EPM2A: variants seen among roughly 807,000 people sequenced by gnomAD.
The protein encoded by EPM2A is laforin.
In EPM2A, 21 loss-of-function variants were observed where a neutral mutation model predicts 26.5. The observed-to-expected ratio is 0.79, with a 90% CI of 0.56 to 1.14. The LOEUF is 1.14. Ranked by LOEUF, EPM2A falls within the 50% of genes most tolerant of loss-of-function variation. The pLI is 0.00. For synonymous variants in EPM2A, 217 were observed against 177.6 expected (o/e 1.22, Z -1.76); for missense variants, 458 against 440.8 (o/e 1.04, Z -0.35).
At position 145,717,951 on chromosome 6, in the gene EPM2A, G is replaced by A. The variant is rs1288676071; in HGVS notation, c.301+17247C>T. On this transcript the variant is annotated intron_variant, in intron 1 of 3. Transcript: ENST00000367519. ...TCTTCAAGGAGAACTACAAACCACTGCTCAAGGAAATAAAAGAAGATACAA... is the reference window on the plus strand; with the variant it reads ...TCTTCAAGGAGAACTACAAACCACTACTCAAGGAAATAAAAGAAGATACAA... 1.8e-3 allele frequency among the ~76,000 whole-genome samples: 276 copies of A among 151,686 alleles called. 2 individuals carry two copies. Among genetic ancestry groups the A allele is most frequent in the African/African-American group, 6.4e-3 (266 of 41,346 alleles).
intron 4 of EPM2A, among the ~76,000 whole-genome samples, chr6:145,475,809 C>A (rs142109349): frequency 1.5e-4 from 22 of 151,560 alleles, no homozygotes; most frequent in African/African-American, 1.9e-4. Flanking sequence ...CACACACACA[C>A]AAAAAGGAAG....
intron 1 of EPM2A, among the ~76,000 whole-genome samples, chr6:145,724,041 G>C (rs1776076965): frequency 6.6e-6 from 1 of 152,038 alleles, no homozygotes; most frequent in African/African-American, 2.4e-5. Flanking sequence ...GGAAATCTTG[G>C]GGCACTGAAT....
intron 2 of EPM2A, among the ~76,000 whole-genome samples, chr6:145,557,848 C>G (rs1478858779): frequency 6.6e-6 from 1 of 152,054 alleles, no homozygotes; most frequent in Non-Finnish European, 1.5e-5. Context: ...TTCCTCCTAA[C>G]TAAAATTTTG....
intron 4 of EPM2A, among the ~76,000 whole-genome samples, chr6:145,440,262 C>T (rs966750710): frequency 7.2e-5 from 11 of 152,132 alleles, no homozygotes; most frequent in Non-Finnish European, 1.5e-4. Flanking sequence ...CCTTATAAAA[C>T]CATCAGATCT....
chr6:145,452,379 T>A (rs1414991588), intron 4 of EPM2A, among the ~76,000 whole-genome samples: 1 of 151,032 alleles, frequency 6.6e-6, no homozygotes, highest in Non-Finnish European at 1.5e-5. Flanking sequence ...ATTTCAGATG[T>A]TGTTTCTCTA....
rs1776479998 is a variant in EPM2A, at chr6:145,731,433, T to C, written c.301+3765A>G. The stretch of plus-strand genomic sequence containing the variant: ...AAGCCATCCTGAAAAAACAATTGAC[T>C]ACAGAGCACATGTATGTTTATAGCA... On this transcript the variant is annotated intron_variant, in intron 1 of 3. Coordinates refer to ENST00000367519, the MANE Select transcript of EPM2A (RefSeq NM_005670.4). 2.0e-5 allele frequency among the ~76,000 whole-genome samples: 3 copies of C among 152,306 alleles called. No homozygotes were observed. The South Asian group carries it at 6.2e-4, about 32-fold the overall frequency.
chr6:145,514,054 C>T (rs1780090934), intron 2 of EPM2A, among the ~76,000 whole-genome samples: 1 of 152,190 alleles, frequency 6.6e-6, no homozygotes, highest in African/African-American at 2.4e-5. Context: ...CAAACCAGCT[C>T]TTACATGCCT....
intron 2 of EPM2A, among the ~76,000 whole-genome samples, chr6:145,511,773 A>G (rs1181367702): frequency 2.0e-5 from 3 of 152,210 alleles, no homozygotes; most frequent in Non-Finnish European, 4.4e-5. Flanking sequence ...GCTATCAGGC[A>G]AGAGAAAGAA....
intron 1 of EPM2A, among the ~76,000 whole-genome samples, chr6:145,729,315 A>G (rs1299295951): frequency 6.6e-6 from 1 of 152,182 alleles, no homozygotes; most frequent in Non-Finnish European, 1.5e-5. Context: ...TCTAGACACC[A>G]CAATGGTAGA....
At chr6:145,388,966 A>G (rs560609750) in intron 4 of EPM2A, among the ~76,000 whole-genome samples, 2,859 of 152,230 alleles carry the variant, frequency 0.019, 93 homozygotes, top group African/African-American at 0.064. Context: ...CAGTGCTGCA[A>G]TAAACATATG....
chr6:145,397,154 G>A (rs1444855698), intron 4 of EPM2A, among the ~76,000 whole-genome samples: 6 of 152,150 alleles, frequency 3.9e-5, no homozygotes, highest in South Asian at 4.1e-4. Context: ...TTACTGGCTC[G>A]GTTTGGTAGC....
intron 1 of EPM2A, 85 bp from the exon 2 acceptor site, chr6:145,686,381 G>C: frequency 9.3e-7 from 1 of 1,074,332 alleles, no homozygotes; most frequent in Admixed American, 1.8e-5. Flanking sequence ...AAAATTAATA[G>C]CAAGAAAAAA....
chr6:145,648,390 T>A (rs1777639096), intron 2 of EPM2A, among the ~76,000 whole-genome samples: 1 of 152,210 alleles, frequency 6.6e-6, no homozygotes, highest in Non-Finnish European at 1.5e-5. Context: ...TACTGAATAT[T>A]ACAGCCACCC....
chr6:145,450,016 A>C (rs1219267497), intron 4 of EPM2A, among the ~76,000 whole-genome samples: 1 of 151,958 alleles, frequency 6.6e-6, no homozygotes, highest in African/African-American at 2.4e-5. Flanking sequence ...ATAATAATTA[A>C]AATAAAAATA....
intron 4 of EPM2A, among the ~76,000 whole-genome samples, chr6:145,444,627 C>T (rs1180476500): frequency 6.6e-6 from 1 of 152,156 alleles, no homozygotes; most frequent in African/African-American, 2.4e-5. Flanking sequence ...CCCTCTTCCT[C>T]AATTAAATAG....
At chr6:145,734,061 A>C (rs1397509681) in intron 1 of EPM2A, among the ~76,000 whole-genome samples, 1 of 152,078 alleles carries the variant, frequency 6.6e-6, no homozygotes, top group Non-Finnish European at 1.5e-5. Context: ...TGTTAAAAAA[A>C]ATGACTGCAT....
intron 2 of EPM2A, among the ~76,000 whole-genome samples, chr6:145,609,164 A>C (rs1294240947): frequency 6.6e-6 from 1 of 152,188 alleles, no homozygotes; most frequent in East Asian, 1.9e-4. Flanking sequence ...ATAATGCTCT[A>C]AGCCAATTAA....
At chr6:145,592,809 C>T (rs1158812226) in intron 2 of EPM2A, among the ~76,000 whole-genome samples, 2 of 151,584 alleles carry the variant, frequency 1.3e-5, no homozygotes, top group East Asian at 1.9e-4. Context: ...CATAATGATA[C>T]ATTAAGAGAG....
intron 2 of EPM2A, among the ~76,000 whole-genome samples, chr6:145,513,349 C>T (rs1780081831): frequency 6.6e-6 from 1 of 151,934 alleles, no homozygotes; most frequent in South Asian, 2.1e-4. Context: ...AAAACTACAC[C>T]AAGATACCAT....
Sources: gnomAD v4.1 joint callset for allele counts (sites outside exome capture counted in the v4.1 genomes callset) on GRCh38, gnomAD v4.1.1 for gene constraint, MANE v1.5 for transcripts, NCBI Gene and HGNC (gene_info 2026-07-23, HGNC 2026-07-21) for gene names.